Variants in KAZN observed in about 807,000 individuals in gnomAD.
KAZN encodes kazrin.
A neutral mutation model predicts 87.4 loss-of-function variants in KAZN; 40 were observed. That is an observed-to-expected ratio of 0.46 (90% CI 0.36 to 0.60). KAZN has a LOEUF of 0.60. KAZN is among the 20% of genes least tolerant of loss of function. The pLI is 0.00. For synonymous variants in KAZN, 466 were observed against 458.3 expected (o/e 1.02, Z -0.22); for missense variants, 898 against 1,073.9 (o/e 0.84, Z 2.29).
chr1:14,181,064 A>T (rs902489278), intron 2 of KAZN, among the ~76,000 whole-genome samples: 1 of 152,214 alleles, frequency 6.6e-6, no homozygotes, highest in African/African-American at 2.4e-5. Context: ...TATTTAGCTC[A>T]TTGTAGGCTA....
intron 2 of KAZN, among the ~76,000 whole-genome samples, chr1:14,297,602 C>T (rs528266642): frequency 8.5e-5 from 13 of 152,176 alleles, no homozygotes; most frequent in African/African-American, 2.2e-4. Context: ...ACTCTGCTGA[C>T]GGATGGATGG....
intron 1 of KAZN, among the ~76,000 whole-genome samples, chr1:14,622,461 C>A (rs10927472): frequency 6.6e-6 from 1 of 151,660 alleles, no homozygotes; most frequent in Non-Finnish European, 1.5e-5. Flanking sequence ...GAGGCCGAGG[C>A]GGGCGGATCA....
At chr1:14,280,400 A>G (rs1652758732) in intron 2 of KAZN, among the ~76,000 whole-genome samples, 1 of 132,586 alleles carries the variant, frequency 7.5e-6, no homozygotes, top group African/African-American at 2.9e-5. Context: ...AAAAAAAAAG[A>G]CGAGGTTGCA....
At chr1:15,007,313 C>T (rs1163056249) in intron 2 of KAZN, among the ~76,000 whole-genome samples, 1 of 152,154 alleles carries the variant, frequency 6.6e-6, no homozygotes, top group Non-Finnish European at 1.5e-5. Context: ...CCATTTATCA[C>T]CAGTGAGCTG....
intron 13 of KAZN, among the ~76,000 whole-genome samples, chr1:15,108,849 G>A (rs909353420): frequency 6.6e-6 from 1 of 152,130 alleles, no homozygotes; most frequent in Non-Finnish European, 1.5e-5. Context: ...TTTCCTCGAG[G>A]TCTAAGTGAC....
chr1:13,932,258 A>ATATTTTTT (rs1312645754), intron 1 of KAZN, among the ~76,000 whole-genome samples: 4 of 43,128 alleles, frequency 9.3e-5, no homozygotes, highest in Admixed American at 4.6e-4. Flanking sequence ...CTTATTAAAC[A>ATATTTTTT]TTTTTTTTTT....
chr1:14,789,803 A>G (rs1179267383), intron 1 of KAZN, among the ~76,000 whole-genome samples: 1 of 136,644 alleles, frequency 7.3e-6, no homozygotes, highest in Non-Finnish European at 1.5e-5. Context: ...AAAAATCCCT[A>G]GAGCCTAGAC....
intron 1 of KAZN, among the ~76,000 whole-genome samples, chr1:14,022,589 A>G (rs1640895571): frequency 6.6e-6 from 1 of 151,482 alleles, no homozygotes; most frequent in Non-Finnish European, 1.5e-5. Context: ...CAGCGTTTCT[A>G]TAATATTGTT....
chr1:14,190,488 A>C (rs1047172366), intron 2 of KAZN, among the ~76,000 whole-genome samples: 1 of 152,112 alleles, frequency 6.6e-6, no homozygotes, highest in African/African-American at 2.4e-5. Context: ...GTCATTCTTT[A>C]CTTTCTTTCT....
At chr1:14,992,371 C>T (rs999648477) in intron 2 of KAZN, among the ~76,000 whole-genome samples, 2 of 152,134 alleles carry the variant, frequency 1.3e-5, no homozygotes, top group African/African-American at 4.8e-5. Context: ...TCCCTCACCC[C>T]GTGTGAGCAC....
intron 1 of KAZN, among the ~76,000 whole-genome samples, chr1:14,046,403 T>C (rs1642074815): frequency 1.4e-5 from 2 of 147,682 alleles, no homozygotes; most frequent in Non-Finnish European, 3.0e-5. Context: ...TACATATATA[T>C]ATAAATTTAT....
intron 2 of KAZN, among the ~76,000 whole-genome samples, chr1:15,006,431 C>T (rs1031113252): frequency 2.0e-5 from 3 of 152,192 alleles, no homozygotes; most frequent in Non-Finnish European, 2.9e-5. Context: ...AAGCCCGGGC[C>T]GGGCTGGTCC....
rs1385787085 is a variant in KAZN, at chr1:14,856,861, TCTC to T, written c.227-103820_227-103818del. Among the ~76,000 whole-genome samples, 1 of 152,198 alleles carries T rather than the reference TCTC, an allele frequency of 6.6e-6. No homozygotes were observed. Among genetic ancestry groups the T allele is most frequent in the Non-Finnish European group, 1.5e-5 (1 of 68,038 alleles). On this transcript the variant is annotated intron_variant, in intron 1 of 14. Coordinates refer to ENST00000376030, the MANE Select transcript of KAZN (RefSeq NM_201628.3). This position sits in a 1 kb window ranked among gnomAD's most constrained non-coding sequence, Gnocchi z 5.2. Reference sequence around the variant, plus strand: ...TCCTCTGTTGTCATCCTTTGATGCTTCTCCTTGGGAGGTGTGTGAATTGGAGTT... The same window carrying T: ...TCCTCTGTTGTCATCCTTTGATGCTTCTTGGGAGGTGTGTGAATTGGAGTT...
chr1:14,745,449 G>A (rs529554741), intron 1 of KAZN, among the ~76,000 whole-genome samples: 4 of 152,160 alleles, frequency 2.6e-5, no homozygotes, highest in Non-Finnish European at 2.9e-5. Context: ...AATTAGCACC[G>A]TGAGAATGGG....
chr1:14,191,608 A>G (rs1054138641), intron 2 of KAZN, among the ~76,000 whole-genome samples: 1 of 152,148 alleles, frequency 6.6e-6, no homozygotes, highest in Admixed American at 6.5e-5. Flanking sequence ...TCTGCTGATC[A>G]TTGGAGTTAT....
intron 2 of KAZN, among the ~76,000 whole-genome samples, chr1:14,347,110 C>A (rs903915927): frequency 6.6e-6 from 1 of 152,284 alleles, no homozygotes; most frequent in African/African-American, 2.4e-5. Flanking sequence ...TCTATTCACC[C>A]TTCCACGGGT....
intron 1 of KAZN, among the ~76,000 whole-genome samples, chr1:14,938,589 A>G (rs566951579): frequency 5.3e-5 from 8 of 151,346 alleles, no homozygotes; most frequent in African/African-American, 1.9e-4. Flanking sequence ...GACTCACCAG[A>G]GAGATGGCCA....
chr1:14,828,345 TTTTA>T (rs1200278226), intron 1 of KAZN, among the ~76,000 whole-genome samples: 2 of 152,284 alleles, frequency 1.3e-5, no homozygotes, highest in Non-Finnish European at 2.9e-5. Context: ...TTTCGTCCTA[TTTTA>T]TTTGAGTATA....
At chr1:14,702,367 G>GTGTGTGTGTGT (rs1641978149) in intron 1 of KAZN, among the ~76,000 whole-genome samples, 8 of 52,724 alleles carry the variant, frequency 1.5e-4, no homozygotes, top group South Asian at 1.3e-3. Context: ...TGTGTGTGTG[G>GTGTGTGTGTGT]ATTTCTCTGT....
Sources: gnomAD v4.1 joint callset for allele counts (sites outside exome capture counted in the v4.1 genomes callset) on GRCh38, gnomAD v4.1.1 for gene constraint, Gnocchi (gnomAD v3.1) non-coding constraint, MANE v1.5 for transcripts, NCBI Gene and HGNC (gene_info 2026-07-23, HGNC 2026-07-21) for gene names.